Variants in CAST observed in about 807,000 individuals in gnomAD.
CAST encodes the protein MIR583 host.
CAST carries 76 observed loss-of-function variants against 119.6 expected under a neutral mutation model. The ratio of observed to expected loss-of-function variants is 0.64; its 90% confidence interval spans 0.53 to 0.77. The LOEUF is 0.77. CAST is among the 30% of genes least tolerant of loss of function. CAST has a pLI of 0.00. For missense variants in CAST, 953 were observed against 946.5 expected (o/e 1.01, Z -0.09); for synonymous variants, 319 against 331.6 (o/e 0.96, Z 0.41).
At chr5:96,269,114 CTCTT>C in the CAST span, among the ~76,000 whole-genome samples, 2 of 152,240 alleles carry the variant, frequency 1.3e-5, no homozygotes, top group African/African-American at 4.8e-5. Flanking sequence ...CTCTTTCTCT[CTCTT>C]TTTTAAAAAT....
At chr5:96,499,581 C>A in the CAST span, among the ~76,000 whole-genome samples, 1 of 152,170 alleles carries the variant, frequency 6.6e-6, no homozygotes, top group Admixed American at 6.5e-5. Context: ...GTGGCTGTGG[C>A]AATTTTTAAA....
the CAST span, among the ~76,000 whole-genome samples, chr5:96,339,520 CAG>C: frequency 6.6e-6 from 1 of 152,134 alleles, no homozygotes; most frequent in Admixed American, 6.5e-5. Flanking sequence ...TAAAATCACA[CAG>C]TGAGCTGGGG....
the CAST span, among the ~76,000 whole-genome samples, chr5:96,313,327 A>G: frequency 6.6e-6 from 1 of 152,158 alleles, no homozygotes; most frequent in Non-Finnish European, 1.5e-5. Flanking sequence ...GACCCTTTGT[A>G]GGAGTCAATC....
the CAST span, among the ~76,000 whole-genome samples, chr5:96,323,189 G>C: frequency 6.6e-6 from 1 of 152,150 alleles, no homozygotes; most frequent in Non-Finnish European, 1.5e-5. Context: ...GGTAAATTGA[G>C]GTCCCAGCAA....
the CAST span, among the ~76,000 whole-genome samples, chr5:96,413,670 C>T: frequency 5.9e-4 from 90 of 151,492 alleles, 1 homozygote; most frequent in African/African-American, 1.9e-3. Flanking sequence ...CATGCTGGCA[C>T]GCACCTATAA....
the CAST span, chr5:96,411,005 T>C: frequency 6.4e-7 from 1 of 1,559,100 alleles, no homozygotes; most frequent in Middle Eastern, 2.0e-4. Context: ...AAAGCCAGAA[T>C]GCATATTATC....
the CAST span, among the ~76,000 whole-genome samples, chr5:96,185,416 C>G: frequency 2.0e-5 from 3 of 152,304 alleles, no homozygotes; most frequent in East Asian, 5.8e-4. Context: ...GTTATGAAAT[C>G]TTTGCCCATG....
the CAST span, among the ~76,000 whole-genome samples, chr5:96,017,223 G>C: frequency 6.6e-6 from 1 of 152,124 alleles, no homozygotes; most frequent in Non-Finnish European, 1.5e-5. Context: ...TCCCTAATAA[G>C]TATAGTTGGA....
At chr5:95,961,717 G>T in the CAST span, 3 of 1,602,212 alleles carry the variant, frequency 1.9e-6, no homozygotes, top group East Asian at 2.3e-5. Context: ...CCCCCCCGCC[G>T]CCATCTTAAA....
chr5:96,710,076 G>A (rs575565431), intron 3 of CAST, among the ~76,000 whole-genome samples: 2 of 152,228 alleles, frequency 1.3e-5, no homozygotes, highest in South Asian at 4.1e-4. Flanking sequence ...GGTACTTCAG[G>A]GCAAGCATGT....
chr5:95,961,926 G>A, the CAST span: 1 of 630,674 alleles, frequency 1.6e-6, no homozygotes, highest in Non-Finnish European at 2.5e-6. Context: ...CCCCGGGCTC[G>A]TCTCATTGGT....
At chr5:96,071,442 C>G in the CAST span, among the ~76,000 whole-genome samples, 1 of 152,130 alleles carries the variant, frequency 6.6e-6, no homozygotes, top group African/African-American at 2.4e-5. Context: ...ACCAGTTTCT[C>G]TGCTTCCCTT....
At chr5:96,480,939 C>T in the CAST span, among the ~76,000 whole-genome samples, 2 of 152,120 alleles carry the variant, frequency 1.3e-5, no homozygotes, top group Non-Finnish European at 1.5e-5. Context: ...GAAGAAAGAA[C>T]TAGGGCAGTA....
At chr5:96,586,325 G>T (rs575651430) in intron 1 of CAST, among the ~76,000 whole-genome samples, 1 of 152,154 alleles carries the variant, frequency 6.6e-6, no homozygotes, top group Non-Finnish European at 1.5e-5. Flanking sequence ...TTTAAATGGG[G>T]TTTTAAAGGT....
the CAST span, among the ~76,000 whole-genome samples, chr5:96,244,421 C>A: frequency 6.6e-6 from 1 of 151,914 alleles, no homozygotes; most frequent in East Asian, 1.9e-4. Flanking sequence ...AATAATAAAA[C>A]CATAGTAGAA....
the CAST span, among the ~76,000 whole-genome samples, chr5:96,394,296 A>G: frequency 1.3e-5 from 2 of 152,172 alleles, no homozygotes; most frequent in African/African-American, 4.8e-5. Flanking sequence ...GCAGGCTGAA[A>G]CCCAGGAATG....
intron 25 of CAST, among the ~76,000 whole-genome samples, chr5:96,764,663 A>AC (rs1194142091): frequency 1.3e-5 from 2 of 152,100 alleles, no homozygotes; most frequent in Non-Finnish European, 2.9e-5. Context: ...CTTCCCACAA[A>AC]CTGCGGGTCA....
the CAST span, among the ~76,000 whole-genome samples, chr5:96,018,609 TTA>T: frequency 6.6e-6 from 1 of 152,190 alleles, no homozygotes. Flanking sequence ...CCTTGAAACT[TTA>T]TAGTTTCCCC....
chr5:96,741,621 C>T lies in CAST; in HGVS notation c.1098+41C>T, dbSNP rs771417971. Reference sequence around the variant, plus strand: ...ACCTGACAGCAGTTGCTTTCCAGAGCCTGATCTAGCTCATTCAGGAAACTG... The same window carrying T: ...ACCTGACAGCAGTTGCTTTCCAGAGTCTGATCTAGCTCATTCAGGAAACTG... On this transcript the variant is annotated intron_variant, in intron 15 of 31. Coordinates refer to ENST00000675179, the MANE Select transcript of CAST (RefSeq NM_001750.7). 3 of 1,328,656 alleles carry T rather than the reference C, an allele frequency of 2.3e-6. No homozygotes were observed. The Admixed American group carries it at 5.2e-5, about 23-fold the overall frequency. 82.3% of individuals were successfully genotyped at this position (1,328,656 alleles called of 1,614,324 possible).
Sources: allele counts gnomAD v4.1 joint callset (sites outside exome capture counted in the v4.1 genomes callset), GRCh38; gene constraint gnomAD v4.1.1; transcripts MANE v1.5; gene names NCBI Gene and HGNC (gene_info 2026-07-23, HGNC 2026-07-21).